SHISA9: variants seen among roughly 807,000 people sequenced by gnomAD.
The protein encoded by SHISA9 is protein shisa-9.
In SHISA9, 13 loss-of-function variants were observed where a neutral mutation model predicts 38.0. That is an observed-to-expected ratio of 0.34 (90% confidence interval 0.22 to 0.54). The LOEUF is 0.54. SHISA9 is among the 20% of genes least tolerant of loss of function. The probability of loss-of-function intolerance (pLI) is 0.91; values close to 1 mark genes in which losing one functional copy is unlikely to be tolerated. For missense variants in SHISA9, 538 were observed against 575.8 expected (o/e 0.93, Z 0.67); for synonymous variants, 275 against 242.0 (o/e 1.14, Z -1.27).
At chr16:13,329,448 G>C in the SHISA9 span, among the ~76,000 whole-genome samples, 1 of 152,114 alleles carries the variant, frequency 6.6e-6, no homozygotes, top group African/African-American at 2.4e-5. Context: ...TAAAATCCAT[G>C]TGCTAGGTTG....
At chr16:13,122,414 G>A (rs1305777039) in intron 2 of SHISA9, among the ~76,000 whole-genome samples, 1 of 152,164 alleles carries the variant, frequency 6.6e-6, no homozygotes, top group African/African-American at 2.4e-5. Context: ...TGGAGAGAAT[G>A]CAATAGAAAA....
the SHISA9 span, among the ~76,000 whole-genome samples, chr16:13,263,833 C>G: frequency 6.6e-6 from 1 of 152,016 alleles, no homozygotes; most frequent in African/African-American, 2.4e-5. Context: ...TGAGACCTGT[C>G]TGTACTATTT....
intron 2 of SHISA9, among the ~76,000 whole-genome samples, chr16:13,176,256 A>G (rs961617798): frequency 6.6e-6 from 1 of 152,072 alleles, no homozygotes; most frequent in African/African-American, 2.4e-5. Flanking sequence ...GGGTCTAGGT[A>G]TGGCCTTTGA....
chr16:13,133,831 TA>T (rs1473994542), intron 2 of SHISA9, among the ~76,000 whole-genome samples: 3 of 152,192 alleles, frequency 2.0e-5, no homozygotes, highest in Non-Finnish European at 4.4e-5. Flanking sequence ...CATTCAGTGT[TA>T]AATCAAAGGG....
the SHISA9 span, among the ~76,000 whole-genome samples, chr16:13,375,166 T>C: frequency 6.6e-6 from 1 of 152,220 alleles, no homozygotes; most frequent in Non-Finnish European, 1.5e-5. Flanking sequence ...GCAGAAGCTC[T>C]TTAGTTTAAT....
rs183707657 is a variant in SHISA9 at position 13,086,280 on chromosome 16, G to A, written c.692-117114G>A. 1.3e-4 allele frequency among the ~76,000 whole-genome samples: 20 copies of A among 149,862 alleles called. 1 individual carries two copies. Among genetic ancestry groups the A allele is most frequent in the African/African-American group, 3.0e-4 (12 of 40,470 alleles). Reference sequence around the variant, plus strand: ...TGAGGCAGGAGAATTGCTTGAACCCGGGAGGCAGAGGTTGCAGTGAGCCGA... The same window carrying A: ...TGAGGCAGGAGAATTGCTTGAACCCAGGAGGCAGAGGTTGCAGTGAGCCGA... On this transcript the variant is annotated intron_variant, in intron 2 of 4. Transcript: ENST00000558583.
At chr16:13,292,891 TA>T in the SHISA9 span, among the ~76,000 whole-genome samples, 1 of 152,184 alleles carries the variant, frequency 6.6e-6, no homozygotes, top group African/African-American at 2.4e-5. Flanking sequence ...CTTTTGGAAA[TA>T]AAGTAAATAT....
the SHISA9 span, among the ~76,000 whole-genome samples, chr16:13,540,053 A>T: frequency 6.6e-6 from 1 of 152,176 alleles, no homozygotes; most frequent in Non-Finnish European, 1.5e-5. Flanking sequence ...GAATACTGTG[A>T]TGAACATACA....
intron 2 of SHISA9, among the ~76,000 whole-genome samples, chr16:12,960,094 C>A (rs11648064): frequency 6.6e-6 from 1 of 151,974 alleles, no homozygotes; most frequent in African/African-American, 2.4e-5. Context: ...TGTTTACTTG[C>A]GTGGTGTGCT....
At chr16:13,147,851 G>A (rs1270553890) in intron 2 of SHISA9, among the ~76,000 whole-genome samples, 2 of 152,122 alleles carry the variant, frequency 1.3e-5, no homozygotes, top group African/African-American at 4.8e-5. Flanking sequence ...CACCTCCACC[G>A]GGTGGGAAAA....
chr16:13,052,265 A>G (rs967928956), intron 2 of SHISA9, among the ~76,000 whole-genome samples: 2 of 152,216 alleles, frequency 1.3e-5, no homozygotes, highest in African/African-American at 4.8e-5. Context: ...TTAGTGATTT[A>G]GAGACATTTT....
chr16:13,148,177 G>C (rs151327719), intron 2 of SHISA9, among the ~76,000 whole-genome samples: 2 of 152,046 alleles, frequency 1.3e-5, no homozygotes, highest in Non-Finnish European at 2.9e-5. Flanking sequence ...CGTACTTCTG[G>C]TGCATCACCC....
chr16:12,902,241 G>A lies in SHISA9; in HGVS notation c.177G>A (p.Glu59=), dbSNP rs1383964525. ...CCGGAGAGGCCAGCGAGGGCGCTGAGGCATCGGACGCGCCCCCGACCCGGG... is the reference window on the plus strand; with the variant it reads ...CCGGAGAGGCCAGCGAGGGCGCTGAAGCATCGGACGCGCCCCCGACCCGGG... ...AASGEASEGA[E]ASDAPPTRAP... The change falls in exon 1 of 5, where the codon GAG becomes GAA. Residue 59 remains glutamate (E), a synonymous_variant. Coordinates refer to ENST00000558583, the MANE Select transcript of SHISA9 (RefSeq NM_001145204.3). 5 of 1,543,486 alleles carry A rather than the reference G, an allele frequency of 3.2e-6. No homozygotes were observed. The South Asian group carries it at 6.0e-5, about 18-fold the overall frequency.
chr16:13,336,598 T>C, the SHISA9 span, among the ~76,000 whole-genome samples: 2 of 152,216 alleles, frequency 1.3e-5, no homozygotes, highest in Non-Finnish European at 2.9e-5. Flanking sequence ...AAATAACTCA[T>C]TTGAAAGATG....
the SHISA9 span, among the ~76,000 whole-genome samples, chr16:13,457,951 T>TCCTTCCTTCCTTTCTTCCTC: frequency 6.6e-6 from 1 of 151,828 alleles, no homozygotes; most frequent in Non-Finnish European, 1.5e-5. Flanking sequence ...CTTGCTTCCT[T>TCCTTCCTTCCTTTCTTCCTC]CCTTCCTTCC....
chr16:13,278,494 C>T, the SHISA9 span, among the ~76,000 whole-genome samples: 3 of 151,982 alleles, frequency 2.0e-5, no homozygotes, highest in East Asian at 3.9e-4. Flanking sequence ...AGGATTGATA[C>T]GCATTCGTCT....
intron 2 of SHISA9, among the ~76,000 whole-genome samples, chr16:13,164,134 C>T (rs1005166076): frequency 2.0e-5 from 3 of 151,902 alleles, no homozygotes; most frequent in African/African-American, 4.8e-5. Flanking sequence ...CATAGATGTC[C>T]GTTATCAGTT....
chr16:13,008,870 C>A (rs933244709), intron 2 of SHISA9, among the ~76,000 whole-genome samples: 3 of 151,870 alleles, frequency 2.0e-5, no homozygotes, highest in African/African-American at 7.3e-5. Context: ...TAATACAGTG[C>A]CTTAAGAAAT....
the SHISA9 span, among the ~76,000 whole-genome samples, chr16:13,517,759 C>T: frequency 2.0e-5 from 3 of 152,152 alleles, no homozygotes; most frequent in African/African-American, 7.2e-5. Context: ...TGCTCAAAAA[C>T]CTCTCAAAGT....
Sources: gnomAD v4.1 joint callset for allele counts (sites outside exome capture counted in the v4.1 genomes callset) on GRCh38, gnomAD v4.1.1 for gene constraint, MANE v1.5 for transcripts, NCBI Gene and HGNC (gene_info 2026-07-23, HGNC 2026-07-21) for gene names.